Variants in SEPTIN6 observed in about 807,000 individuals in gnomAD.
SEPTIN6 encodes septin 6, also known as septin-6.
Under a neutral mutation model 33.6 loss-of-function variants are expected in SEPTIN6, and 8 were observed. The observed-to-expected ratio is 0.24, with a 90% CI of 0.14 to 0.43. The LOEUF is 0.43. Among genes scored for constraint, SEPTIN6 ranks in the 20% least tolerant of loss-of-function variants. SEPTIN6 has a pLI of 1.00. For synonymous variants in SEPTIN6, 131 were observed against 140.0 expected, an observed-to-expected ratio of 0.94 and a Z score of 0.45; for missense variants, 250 against 340.8, an observed-to-expected ratio of 0.73 and a Z score of 2.10.
intron 1 of SEPTIN6, among the ~76,000 whole-genome samples, chrX:119,676,327 G>C (rs1191861318): frequency 1.8e-5 from 2 of 110,171 alleles, no homozygotes; most frequent in Non-Finnish European, 3.8e-5. Flanking sequence ...AGCCAGGCAT[G>C]GTGGTGGGTG....
chrX:119,670,930 C>G (rs2054734950), intron 2 of SEPTIN6, among the ~76,000 whole-genome samples: 1 of 95,257 alleles, frequency 1.0e-5, no homozygotes, highest in Admixed American at 1.2e-4. Context: ...AAGAGCGAAA[C>G]TCCATCTCAA....
chrX:119,649,651 C>T (rs1294355956), intron 5 of SEPTIN6, among the ~76,000 whole-genome samples: 3 of 109,810 alleles, frequency 2.7e-5, no homozygotes, highest in African/African-American at 1.0e-4. Flanking sequence ...GCAGGAGGAT[C>T]GCTTGAGCCC....
chrX:119,682,498 T>A (rs1367439791), intron 1 of SEPTIN6, among the ~76,000 whole-genome samples: 1 of 111,279 alleles, frequency 9.0e-6, no homozygotes, highest in Non-Finnish European at 1.9e-5. Flanking sequence ...TGCAGTCACC[T>A]GTGGTTTTTA....
chrX:119,656,869 G>C (rs1360708048), intron 3 of SEPTIN6, among the ~76,000 whole-genome samples: 1 of 110,480 alleles, frequency 9.1e-6, no homozygotes, highest in Non-Finnish European at 1.9e-5. Context: ...CTGGGCGACA[G>C]AGTGAGACTC....
At chrX:119,663,836 GA>G (rs1261402067) in intron 2 of SEPTIN6, among the ~76,000 whole-genome samples, 159 bp from the exon 3 acceptor site, 1 of 111,983 alleles carries the variant, frequency 8.9e-6, no homozygotes, top group Non-Finnish European at 1.9e-5. Flanking sequence ...TCAGTTAAAT[GA>G]AAAAGACTGA....
At chrX:119,629,259 C>T in intron 9 of SEPTIN6, 59 bp downstream of exon 9, 2 of 1,126,820 alleles carry the variant, frequency 1.8e-6, no homozygotes, top group Non-Finnish European at 2.4e-6. Flanking sequence ...CACGTCCTGC[C>T]CTGGGAGGAT....
At chrX:119,623,183 T>G in intron 10 of SEPTIN6, among the ~76,000 whole-genome samples, 1 of 111,668 alleles carries the variant, frequency 9.0e-6, no homozygotes, top group Non-Finnish European at 1.9e-5. Flanking sequence ...GGAAAAGTCT[T>G]CTCTATATTT....
In SEPTIN6 at chrX:119,652,838, C is replaced by G; in HGVS notation, c.528+16G>C. On this transcript the variant is annotated intron_variant, in intron 4 of 10. Transcript: ENST00000394610. ...TAAGAGTGAGCCCCCAGCGCCCCCG[C>G]CCCTGCCTCCTATACCTTACTGTCC... 8.3e-7 allele frequency: 1 copy of G among 1,201,368 alleles called. No individual in the cohort carries two copies. The highest frequency in any genetic ancestry group is 1.1e-6 in the Non-Finnish European group (1 of 887,912).
intron 10 of SEPTIN6, 133 bp downstream of exon 10, chrX:119,625,202 G>T: frequency 2.1e-6 from 1 of 485,584 alleles, no homozygotes; most frequent in Non-Finnish European, 3.7e-6. Context: ...CATATTATAA[G>T]TCACGAGAGA....
intron 2 of SEPTIN6, among the ~76,000 whole-genome samples, chrX:119,672,835 G>A (rs1293871066): frequency 8.9e-6 from 1 of 111,765 alleles, no homozygotes. Flanking sequence ...ATAACCATCA[G>A]TTAGACTTTC....
rs1386447030 is a variant in SEPTIN6, at chrX:119,618,896, C to T, written c.*1197G>A. On this transcript the variant is annotated 3_prime_UTR_variant, in exon 11 of 11. Transcript: ENST00000394610. ...CACCAAAGGCCACTGTGCCTCATAA[C>T]CCTGACAAGGGAGGGCTCTCTACTT... 1 of 1,152,683 alleles carries T rather than the reference C, an allele frequency of 8.7e-7. No homozygotes were observed. Among genetic ancestry groups the T allele is most frequent in the Non-Finnish European group, 1.2e-6 (1 of 866,033 alleles). The allele number at this position is 1,152,683 out of a possible 1,213,427, so 95.0% of individuals were successfully genotyped here.
intron 2 of SEPTIN6, among the ~76,000 whole-genome samples, chrX:119,671,487 A>G: frequency 9.2e-6 from 1 of 109,080 alleles, no homozygotes; most frequent in Non-Finnish European, 1.9e-5. Context: ...ACGGGGTTTC[A>G]CCGTGTTAGC....
chrX:119,627,022 T>C (rs1254999796), intron 9 of SEPTIN6, among the ~76,000 whole-genome samples: 1 of 112,185 alleles, frequency 8.9e-6, no homozygotes, highest in Non-Finnish European at 1.9e-5. Flanking sequence ...TAAAGAGTAA[T>C]TGGATTGCAA....
At chrX:119,671,748 T>C (rs1335577231) in intron 2 of SEPTIN6, among the ~76,000 whole-genome samples, 2 of 110,827 alleles carry the variant, frequency 1.8e-5, no homozygotes, top group East Asian at 2.9e-4. Context: ...GCCTGGGCAA[T>C]AGAACAAGAC....
At chrX:119,640,087 C>T (rs923109903) in intron 6 of SEPTIN6, among the ~76,000 whole-genome samples, 3 of 106,319 alleles carry the variant, frequency 2.8e-5, no homozygotes, top group African/African-American at 6.9e-5. Context: ...GCTAGAATTA[C>T]AGGAGTGAGC....
intron 3 of SEPTIN6, among the ~76,000 whole-genome samples, chrX:119,660,649 G>C (rs2054520886): frequency 9.0e-6 from 1 of 111,547 alleles, no homozygotes; most frequent in African/African-American, 3.3e-5. Flanking sequence ...CTGAGATTAA[G>C]CACTCATATT....
At chrX:119,687,282 A>C (rs1245487729) in intron 1 of SEPTIN6, among the ~76,000 whole-genome samples, 1 of 91,428 alleles carries the variant, frequency 1.1e-5, no homozygotes, top group Non-Finnish European at 2.1e-5. Flanking sequence ...ACGGAGTCTC[A>C]CTCTGTCGCC....
At chrX:119,671,946 A>AGTGACTGGATCCAGCCTC (rs1317647602) in intron 2 of SEPTIN6, among the ~76,000 whole-genome samples, 2 of 112,211 alleles carry the variant, frequency 1.8e-5, no homozygotes, top group African/African-American at 6.5e-5. Context: ...TTGCGAAGTC[A>AGTGACTGGATCCAGCCTC]GTGACTGGAT....
chrX:119,680,207 AT>A (rs1245278110), intron 1 of SEPTIN6, among the ~76,000 whole-genome samples: 3 of 85,895 alleles, frequency 3.5e-5, no homozygotes, highest in East Asian at 8.6e-4. Flanking sequence ...TTATTTATTT[AT>A]TTATTTATTT....
Sources: allele counts gnomAD v4.1 joint callset (sites outside exome capture counted in the v4.1 genomes callset), GRCh38; gene constraint gnomAD v4.1.1; transcripts MANE v1.5; gene names NCBI Gene and HGNC (gene_info 2026-07-23, HGNC 2026-07-21).